The following MRC2 variants were observed in gnomAD, a reference collection of about 807,000 sequenced individuals.
MRC2 encodes the protein C-type mannose receptor 2.
In MRC2, 84 loss-of-function variants were observed where a neutral mutation model predicts 206.2. The ratio of observed to expected loss-of-function variants is 0.41; its 90% CI spans 0.34 to 0.49. MRC2 has a LOEUF of 0.49. Among genes scored for constraint, MRC2 ranks in the 20% least tolerant of loss-of-function variants. The pLI, the probability that MRC2 is intolerant of heterozygous loss-of-function variation, is 0.31. For synonymous variants in MRC2, 798 were observed against 800.0 expected, an observed-to-expected ratio of 1.00 and a Z score of 0.04; for missense variants, 1,676 against 2,001.5, an observed-to-expected ratio of 0.84 and a Z score of 3.10.
intron 2 of MRC2, among the ~76,000 whole-genome samples, chr17:62,665,177 A>T (rs2088734911): frequency 6.6e-6 from 1 of 152,212 alleles, no homozygotes; most frequent in Non-Finnish European, 1.5e-5. Context: ...AGGTGGGTGG[A>T]TCACTTGAGG....
intron 1 of MRC2, among the ~76,000 whole-genome samples, chr17:62,653,269 C>T (rs1363635268): frequency 1.3e-5 from 2 of 152,162 alleles, no homozygotes; most frequent in African/African-American, 4.8e-5. Context: ...GATCAAACAC[C>T]ATGACACTGC....
intron 1 of MRC2, among the ~76,000 whole-genome samples, chr17:62,654,301 TTCCTGCCTGCAGCCTTTGC>T (rs1205558592): frequency 6.6e-6 from 1 of 151,986 alleles, no homozygotes; most frequent in African/African-American, 2.4e-5. Flanking sequence ...GGGCCCTGCG[TTCCTGCCTGCAGCCTTTGC>T]TCCTGCGGTT....
At position 62,666,026 on chromosome 17, in the gene MRC2, G is replaced by A; in HGVS notation, c.521-68G>A. ...CTGGGTTTTAGGGGATTTCTCCTGA[G>A]GGTCGAGGGGCTTGGCAGCCTCTGG... On this transcript the variant is annotated intron_variant, in intron 2 of 29. Coordinates refer to ENST00000303375, the MANE Select transcript of MRC2 (RefSeq NM_006039.5). The surrounding 1 kb of genome is among the most constrained non-coding windows in gnomAD (Gnocchi z 5.0). 6.7e-7 allele frequency: 1 copy of A among 1,487,060 alleles called. No individual in the cohort carries two copies. Among genetic ancestry groups the A allele is most frequent in the Non-Finnish European group, 9.0e-7 (1 of 1,107,906 alleles). The allele number at this position is 1,487,060 out of a possible 1,614,324, so 92.1% of individuals were successfully genotyped here.
chr17:62,676,839 T>A (rs899885936), intron 11 of MRC2, among the ~76,000 whole-genome samples: 1 of 152,232 alleles, frequency 6.6e-6, no homozygotes, highest in Non-Finnish European at 1.5e-5. Flanking sequence ...AGTTAATGTG[T>A]GTAAAGTGTC....
intron 1 of MRC2, among the ~76,000 whole-genome samples, chr17:62,636,872 G>T (rs1267481850): frequency 6.6e-6 from 1 of 151,922 alleles, no homozygotes; most frequent in Non-Finnish European, 1.5e-5. Flanking sequence ...CTCCCAAAGT[G>T]CTGGGATTAC....
chr17:62,689,438 G>A (rs1194372978), intron 23 of MRC2, 84 bp from the exon 24 acceptor site: 3 of 902,084 alleles, frequency 3.3e-6, no homozygotes, highest in Non-Finnish European at 5.0e-6. Context: ...TCTTTGCCTG[G>A]TGTGCGGCCT....
chr17:62,682,227 T>C lies in MRC2; in HGVS notation c.2804-8T>C. The C allele has an allele frequency of 6.4e-7, 1 of 1,571,846 alleles. No individual in the cohort carries two copies. Among genetic ancestry groups the C allele is most frequent in the Non-Finnish European group, 8.6e-7 (1 of 1,157,936 alleles). ...GGGGGTGACTGCCCTCCCCTCCCCT[T>C]TCCGCAGAGGACTGGGGGGACCAGA... On this transcript the variant is annotated splice_polypyrimidine_tract_variant and splice_region_variant and intron_variant, in intron 19 of 29. Coordinates refer to ENST00000303375, the MANE Select transcript of MRC2 (RefSeq NM_006039.5).
Position 62,689,572 on chromosome 17 carries a change from G to A in MRC2, c.3385G>A (p.Glu1129Lys). The change falls in exon 24 of 30, where the codon GAG becomes AAG. Residue 1129 changes from glutamate to lysine, a missense_variant. By Grantham distance (56) the Glu-to-Lys change is moderately conservative. Transcript: ENST00000303375. ...PAALPPAPGT[E>K]LSYLNGTFRL... is the part of the protein sequence containing the mutation. Reference sequence around the variant, plus strand: ...AGCGCTGCCCCCCGCCCCGGGCACTGAGCTCTCCTACCTCAACGGCACCTT... The same window carrying A: ...AGCGCTGCCCCCCGCCCCGGGCACTAAGCTCTCCTACCTCAACGGCACCTT... The A allele has an allele frequency of 6.2e-7, 1 of 1,601,012 alleles. No individual in the cohort carries two copies. The highest frequency in any genetic ancestry group is 1.3e-5 in the African/African-American group (1 of 74,782).
intron 10 of MRC2, 102 bp from the exon 11 acceptor site, chr17:62,676,281 G>A (rs960814245): frequency 6.9e-7 from 1 of 1,441,476 alleles, no homozygotes; most frequent in Non-Finnish European, 9.3e-7. Flanking sequence ...GCAAGTTATT[G>A]GTCGGGTGCA....
At chr17:62,663,729 G>A (rs532650018) in intron 1 of MRC2, among the ~76,000 whole-genome samples, 2 of 152,166 alleles carry the variant, frequency 1.3e-5, no homozygotes, top group South Asian at 4.1e-4. Flanking sequence ...GGGATGAGTG[G>A]TCTGGGAAGA....
At chr17:62,654,973 G>C (rs1285793431) in intron 1 of MRC2, among the ~76,000 whole-genome samples, 1 of 152,192 alleles carries the variant, frequency 6.6e-6, no homozygotes, top group East Asian at 1.9e-4. Context: ...GCAAGACTCC[G>C]TCTCTACAAA....
intron 1 of MRC2, among the ~76,000 whole-genome samples, chr17:62,635,749 A>T (rs1381079620): frequency 1.3e-5 from 2 of 151,386 alleles, no homozygotes; most frequent in Admixed American, 1.3e-4. Context: ...CAGGAGTTTG[A>T]GACCAGCTGG....
intron 6 of MRC2, among the ~76,000 whole-genome samples, chr17:62,670,501 T>C (rs1239277538): frequency 6.6e-6 from 1 of 152,206 alleles, no homozygotes; most frequent in Non-Finnish European, 1.5e-5. Context: ...GGGCGCGCAG[T>C]TTCCTGCCCG....
At chr17:62,645,928 C>T (rs1290524792) in intron 1 of MRC2, among the ~76,000 whole-genome samples, 4 of 151,892 alleles carry the variant, frequency 2.6e-5, no homozygotes, top group Non-Finnish European at 5.9e-5. Flanking sequence ...TGTATTTCTG[C>T]CCAACACTTC....
In MRC2 at chr17:62,671,537, G is replaced by A. The variant is rs2088825541; in HGVS notation, c.1118-112G>A. The A allele has an allele frequency of 2.1e-6, 2 of 964,738 alleles. No homozygotes were observed. Among genetic ancestry groups the A allele is most frequent in the Non-Finnish European group, 3.0e-6 (2 of 660,780 alleles). 59.8% of individuals were successfully genotyped at this position (964,738 alleles called of 1,614,324 possible). A position where few individuals can be genotyped will look rare whatever the true frequency, so the allele number is the denominator to read the frequency against. On this transcript the variant is annotated intron_variant, in intron 6 of 29. Coordinates refer to ENST00000303375, the MANE Select transcript of MRC2 (RefSeq NM_006039.5). The surrounding 1 kb of genome is among the most constrained non-coding windows in gnomAD (Gnocchi z 4.5). ...TGGGGACCGGGATTGATCTGGGAGA[G>A]TTTGGAGAGGAGGTGACTGGGAGGC...
At position 62,681,548 on chromosome 17, in the gene MRC2, T is replaced by G. The variant is rs2088966629; in HGVS notation, c.2703-289T>G. The G allele has an allele frequency of 6.4e-6, 3 of 465,880 alleles. No individual in the cohort carries two copies. The Middle Eastern group carries it at 1.7e-3, about 269-fold the overall frequency. 28.9% of individuals were successfully genotyped at this position (465,880 alleles called of 1,614,324 possible). ...AGGAAGGACCAGGAGCACCTGGGAC[T>G]CAGAATTTGAGCTTGTCTTTTTGCC... is the stretch of plus-strand genomic sequence containing the variant. On this transcript the variant is annotated intron_variant, in intron 18 of 29. Coordinates refer to ENST00000303375, the MANE Select transcript of MRC2 (RefSeq NM_006039.5).
intron 27 of MRC2, 54 bp downstream of exon 27, chr17:62,690,815 G>A (rs932755032): frequency 5.9e-6 from 9 of 1,531,142 alleles, no homozygotes; most frequent in Admixed American, 4.3e-5. Context: ...GTAAGGGGCT[G>A]CCCTCCACTT....
At chr17:62,689,225 C>T in intron 23 of MRC2, 2 of 585,812 alleles carry the variant, frequency 3.4e-6, no homozygotes, top group East Asian at 2.8e-5. Context: ...GCACGTGTGG[C>T]GTCAAGGACC....
intron 1 of MRC2, among the ~76,000 whole-genome samples, chr17:62,638,226 A>T (rs995607675): frequency 3.3e-5 from 5 of 150,610 alleles, no homozygotes; most frequent in African/African-American, 4.9e-5. Flanking sequence ...GTTCCAAAGA[A>T]TTTTTTTTTT....
Sources: allele counts gnomAD v4.1 joint callset (sites outside exome capture counted in the v4.1 genomes callset), GRCh38; gene constraint gnomAD v4.1.1; non-coding constraint Gnocchi (gnomAD v3.1); transcripts MANE v1.5; gene names NCBI Gene and HGNC (gene_info 2026-07-23, HGNC 2026-07-21).